The following FN1 variants were observed in gnomAD, a reference collection of about 807,000 sequenced individuals.
The protein encoded by FN1 is fibronectin.
Under a neutral mutation model 297.3 loss-of-function variants are expected in FN1, and 106 were observed. That is an observed-to-expected ratio of 0.36 (90% CI 0.30 to 0.42). FN1 has a LOEUF of 0.42. FN1 is among the 10% of genes least tolerant of loss of function. The probability of loss-of-function intolerance (pLI) is 1.00; values close to 1 mark genes in which losing one functional copy is unlikely to be tolerated. For synonymous variants in FN1, 1,149 were observed against 1,152.6 expected, an observed-to-expected ratio of 1.00 and a Z score of 0.06; for missense variants, 2,690 against 3,124.9, an observed-to-expected ratio of 0.86 and a Z score of 3.32.
At chr2:215,416,282 A>C (rs1197206032) in intron 12 of FN1, among the ~76,000 whole-genome samples, 1 of 152,188 alleles carries the variant, frequency 6.6e-6, no homozygotes, top group Non-Finnish European at 1.5e-5. Context: ...TTTCCAAGCC[A>C]CATGAACACC....
At chr2:215,407,419 T>C (rs1011944562) in intron 17 of FN1, 98 bp from the exon 18 acceptor site, 2 of 1,019,090 alleles carry the variant, frequency 2.0e-6, no homozygotes, top group Non-Finnish European at 3.1e-6. Context: ...CCTTAGCATC[T>C]TGCTTGATTA....
intron 34 of FN1, among the ~76,000 whole-genome samples, 189 bp downstream of exon 34, chr2:215,378,941 G>A (rs1483713955): frequency 6.6e-6 from 1 of 152,124 alleles, no homozygotes; most frequent in Non-Finnish European, 1.5e-5. Context: ...ATAAAATTCT[G>A]TCCCAATAGT....
intron 6 of FN1, among the ~76,000 whole-genome samples, chr2:215,427,599 T>C (rs1399655027): frequency 6.6e-6 from 1 of 152,172 alleles, no homozygotes; most frequent in Non-Finnish European, 1.5e-5. Flanking sequence ...CGAATGCCAA[T>C]ACATGAAGGA....
chr2:215,406,786 A>C (rs1472798724), intron 18 of FN1, among the ~76,000 whole-genome samples: 1 of 152,176 alleles, frequency 6.6e-6, no homozygotes, highest in East Asian at 1.9e-4. Context: ...GATACTAAAA[A>C]ATTTTTTAGA....
At position 215,377,081 on chromosome 2, in the gene FN1, A is replaced by T. The variant is rs1250205; in HGVS notation, c.5711-407T>A. Among the ~76,000 whole-genome samples, 22 of 147,442 alleles carry T rather than the reference A, an allele frequency of 1.5e-4. No homozygotes were observed. In the South Asian group the frequency reaches 2.0e-3, roughly 13 times the overall value. On this transcript the variant is annotated intron_variant, in intron 35 of 45. Coordinates refer to ENST00000354785, the MANE Select transcript of FN1 (RefSeq NM_212482.4). ...GTATGTGTGTGTGAGAGAGAGAGAGAGTGTGTGTGTGTGTGTGTGTGTGTG... is the reference window on the plus strand; with the variant it reads ...GTATGTGTGTGTGAGAGAGAGAGAGTGTGTGTGTGTGTGTGTGTGTGTGTG...
intron 1 of FN1, among the ~76,000 whole-genome samples, 161 bp downstream of exon 1, chr2:215,435,494 G>A (rs2067306659): frequency 6.6e-6 from 1 of 152,166 alleles, no homozygotes; most frequent in Non-Finnish European, 1.5e-5. Flanking sequence ...CAGAACCAGC[G>A]TGCTCAAAAC....
At chr2:215,419,585 TAGG>T (rs1415368694) in intron 11 of FN1, among the ~76,000 whole-genome samples, 200 bp from the exon 12 acceptor site, 1 of 152,124 alleles carries the variant, frequency 6.6e-6, no homozygotes, top group Non-Finnish European at 1.5e-5. Context: ...AAGTACCTAT[TAGG>T]AGGAATATTT....
chr2:215,406,726 C>T (rs1305379844), intron 18 of FN1, among the ~76,000 whole-genome samples: 1 of 152,038 alleles, frequency 6.6e-6, no homozygotes, highest in Non-Finnish European at 1.5e-5. Context: ...AAGTGAGTTA[C>T]CAGCATATGA....
At position 215,383,496 on chromosome 2, in the gene FN1, G is replaced by C. The variant is rs1428029753; in HGVS notation, c.4895-13C>G. 1 of 1,613,922 alleles carries C rather than the reference G, an allele frequency of 6.2e-7. No individual in the cohort carries two copies. The highest frequency in any genetic ancestry group is 1.7e-5 in the Admixed American group (1 of 59,994). ...GGTTTGTCAATTTCTACAAATAAAAGCAGGGAGAAACCAGTGAAGCCCCAG... is the reference window on the plus strand; with the variant it reads ...GGTTTGTCAATTTCTACAAATAAAACCAGGGAGAAACCAGTGAAGCCCCAG... On this transcript the variant is annotated splice_polypyrimidine_tract_variant and intron_variant, in intron 30 of 45. Coordinates refer to ENST00000354785, the MANE Select transcript of FN1 (RefSeq NM_212482.4).
chr2:215,397,275 T>G, intron 22 of FN1, 52 bp from the exon 23 acceptor site: 1 of 1,309,602 alleles, frequency 7.6e-7, no homozygotes, highest in Non-Finnish European at 1.1e-6. Context: ...GCTCTTGACC[T>G]GTGTAATCTT....
At chr2:215,407,929 A>G (rs1057272029) in intron 17 of FN1, among the ~76,000 whole-genome samples, 179 bp downstream of exon 17, 1 of 111,518 alleles carries the variant, frequency 9.0e-6, no homozygotes, top group South Asian at 3.0e-4. Flanking sequence ...GAAATGTGCC[A>G]TAGAAAATAA....
chr2:215,384,085 T>G lies in FN1; in HGVS notation c.4829A>C (p.Tyr1610Ser). The change falls in exon 30 of 46, where the codon TAT becomes TCT. Residue 1610 changes from tyrosine (Y) to serine (S), a missense_variant. Tyr to Ser is a moderately radical substitution (Grantham distance 144). Transcript: ENST00000354785. ...GCTGTCTCCACGGCCAGTGACAGCA[T>G]ACACAGTGATGGTATAATCAACTCC... ...KPGVDYTITV[Y>S]AVTGRGDSPA... is the part of the protein sequence containing the mutation. The G allele has an allele frequency of 6.2e-7, 1 of 1,614,154 alleles. No homozygotes were observed. Among genetic ancestry groups the G allele is most frequent in the Non-Finnish European group, 8.5e-7 (1 of 1,180,008 alleles).
intron 27 of FN1, 53 bp from the exon 28 acceptor site, chr2:215,387,011 A>G: frequency 6.6e-7 from 1 of 1,510,796 alleles, no homozygotes; most frequent in Middle Eastern, 2.3e-4. Context: ...AGACACCACC[A>G]GTTTAGGAAG....
chr2:215,386,573 T>C, intron 28 of FN1, 116 bp downstream of exon 28: 1 of 329,184 alleles, frequency 3.0e-6, no homozygotes, highest in Non-Finnish European at 5.1e-6. Context: ...GATCTATTTT[T>C]TTTTTTTTTT....
In FN1 at chr2:215,373,380, A is replaced by G. The variant is rs2056615870; in HGVS notation, c.6189T>C (p.Tyr2063=). The G allele has an allele frequency of 1.9e-6, 3 of 1,613,456 alleles. No individual in the cohort carries two copies. Among genetic ancestry groups the G allele is most frequent in the South Asian group, 1.1e-5 (1 of 91,076 alleles). ...GLEPGTEYTI[Y]VIALKNNQKS... is the part of the protein sequence containing the mutation. ...TCTGATTATTCTTCAGGGCAATGACATAAATTGTATATTCGGTTCCCGGTT... is the reference window on the plus strand; with the variant it reads ...TCTGATTATTCTTCAGGGCAATGACGTAAATTGTATATTCGGTTCCCGGTT... The change falls in exon 39 of 46, where the codon TAT becomes TAC. Residue 2063 remains tyrosine, a synonymous_variant. Transcript: ENST00000354785.
intron 3 of FN1, 32 bp downstream of exon 3, chr2:215,433,292 T>C (rs1315060149): frequency 1.2e-6 from 2 of 1,611,730 alleles, no homozygotes; most frequent in Non-Finnish European, 1.7e-6. Context: ...TATTTGATAT[T>C]TTGGCATCAT....
At chr2:215,408,619 G>A (rs1022418074) in intron 15 of FN1, among the ~76,000 whole-genome samples, 193 bp from the exon 16 acceptor site, 18 of 152,194 alleles carry the variant, frequency 1.2e-4, no homozygotes. Flanking sequence ...CCAGGCTGGA[G>A]TGCAGTGGCA....
chr2:215,376,347 G>C (rs1336392127), intron 36 of FN1, 151 bp downstream of exon 36: 1 of 740,810 alleles, frequency 1.3e-6, no homozygotes, highest in Non-Finnish European at 2.4e-6. Context: ...AACTATTTCT[G>C]ATCATAGCAT....
intron 4 of FN1, among the ~76,000 whole-genome samples, chr2:215,431,100 A>G (rs2066435590): frequency 6.6e-6 from 1 of 152,154 alleles, no homozygotes. Context: ...ACATATTTTC[A>G]GCGAGCCCCA....
Sources: gnomAD v4.1 joint callset for allele counts (sites outside exome capture counted in the v4.1 genomes callset) on GRCh38, gnomAD v4.1.1 for gene constraint, MANE v1.5 for transcripts, NCBI Gene and HGNC (gene_info 2026-07-23, HGNC 2026-07-21) for gene names.